Variants in GPC5 observed in about 807,000 individuals in gnomAD.
The protein encoded by GPC5 is glypican 5, also known as glypican-5.
Under a neutral mutation model 53.9 loss-of-function variants are expected in GPC5, and 47 were observed. That is an observed-to-expected ratio of 0.87 (90% CI 0.69 to 1.11). The LOEUF (loss-of-function observed/expected upper bound fraction) is 1.11. Ranked by LOEUF, GPC5 falls within the 50% of genes most tolerant of loss-of-function variation. The probability of loss-of-function intolerance (pLI) is 0.00; values close to 1 mark genes in which losing one functional copy is unlikely to be tolerated. For synonymous variants in GPC5, 286 were observed against 263.3 expected (o/e 1.09, Z -0.84); for missense variants, 748 against 713.1 (o/e 1.05, Z -0.56).
intron 7 of GPC5, among the ~76,000 whole-genome samples, chr13:92,375,198 G>A (rs1318072847): frequency 6.6e-6 from 1 of 152,156 alleles, no homozygotes; most frequent in African/African-American, 2.4e-5. Flanking sequence ...GAGCATCTTT[G>A]AAAGTTTTGT....
intron 7 of GPC5, among the ~76,000 whole-genome samples, chr13:92,767,947 T>G (rs1395375680): frequency 6.6e-6 from 1 of 152,168 alleles, no homozygotes. Context: ...TGTATATCGT[T>G]TTGCCCAAAA....
chr13:92,366,531 C>T (rs1377786256), intron 7 of GPC5, among the ~76,000 whole-genome samples: 4 of 151,816 alleles, frequency 2.6e-5, no homozygotes, highest in Admixed American at 2.6e-4. Flanking sequence ...AAATTCTTTA[C>T]ATCTTGAGTG....
chr13:92,218,645 G>C (rs2042427801), intron 7 of GPC5, among the ~76,000 whole-genome samples: 1 of 152,052 alleles, frequency 6.6e-6, no homozygotes, highest in Non-Finnish European at 1.5e-5. Flanking sequence ...GCCTTCACTA[G>C]AAAAATTTGG....
intron 6 of GPC5, among the ~76,000 whole-genome samples, chr13:92,099,396 C>T (rs964540914): frequency 1.3e-5 from 2 of 152,280 alleles, no homozygotes; most frequent in Non-Finnish European, 2.9e-5. Context: ...TGACATATCA[C>T]GCTCTTTAGT....
chr13:92,231,511 G>A, intron 7 of GPC5, among the ~76,000 whole-genome samples: 1 of 152,090 alleles, frequency 6.6e-6, no homozygotes, highest in Non-Finnish European at 1.5e-5. Context: ...TTCCTCTTGA[G>A]ATGAATTTAA....
intron 7 of GPC5, among the ~76,000 whole-genome samples, chr13:92,230,800 G>A (rs1473098234): frequency 1.3e-5 from 2 of 152,044 alleles, no homozygotes; most frequent in East Asian, 3.9e-4. Flanking sequence ...GCACTGATTG[G>A]CACATAGCAG....
chr13:91,544,863 G>T (rs765121448), intron 2 of GPC5, among the ~76,000 whole-genome samples: 1 of 152,182 alleles, frequency 6.6e-6, no homozygotes, highest in Admixed American at 6.5e-5. Flanking sequence ...GAGTCAAGAC[G>T]TGGGCCTGGA....
intron 7 of GPC5, among the ~76,000 whole-genome samples, chr13:92,751,302 T>TAAACAAAAAAAAAAAAAAAAAAA (rs1566400471): frequency 2.9e-5 from 1 of 34,400 alleles, no homozygotes; most frequent in Admixed American, 3.9e-4. Context: ...CCAGAAACAT[T>TAAACAAAAAAAAAAAAAAAAAAA]TAAAAAAAAA....
At chr13:91,515,112 T>C (rs1336124520) in intron 2 of GPC5, among the ~76,000 whole-genome samples, 1 of 152,234 alleles carries the variant, frequency 6.6e-6, no homozygotes, top group Non-Finnish European at 1.5e-5. Flanking sequence ...AACATTTCTG[T>C]ATTCACAGAA....
At chr13:91,983,706 T>G (rs938916635) in intron 6 of GPC5, among the ~76,000 whole-genome samples, 9 of 152,190 alleles carry the variant, frequency 5.9e-5, no homozygotes, top group African/African-American at 1.9e-4. Context: ...CTTGGTCAAA[T>G]AGCCAAACGG....
intron 7 of GPC5, among the ~76,000 whole-genome samples, chr13:92,426,956 A>G (rs1022157029): frequency 2.0e-5 from 3 of 152,056 alleles, no homozygotes; most frequent in East Asian, 1.9e-4. Context: ...ATCAGTTTCT[A>G]TAATGAGCTT....
intron 2 of GPC5, among the ~76,000 whole-genome samples, chr13:91,552,139 T>A (rs2030676299): frequency 1.3e-5 from 2 of 152,186 alleles, no homozygotes; most frequent in East Asian, 3.9e-4. Flanking sequence ...CTTTTAATGA[T>A]CAATATTCTC....
At chr13:92,231,449 C>CTGACAGTGG (rs1483676152) in intron 7 of GPC5, among the ~76,000 whole-genome samples, 1 of 152,074 alleles carries the variant, frequency 6.6e-6, no homozygotes, top group Non-Finnish European at 1.5e-5. Flanking sequence ...GTTTGGAGGA[C>CTGACAGTGG]ACCTGTCAGT....
chr13:91,655,821 A>T (rs1021748443), intron 2 of GPC5, among the ~76,000 whole-genome samples: 18 of 152,166 alleles, frequency 1.2e-4, no homozygotes, highest in Admixed American at 1.1e-3. Flanking sequence ...CCAAATGTAG[A>T]TACCTGCTAG....
At chr13:91,469,735 T>C (rs780043462) in intron 2 of GPC5, among the ~76,000 whole-genome samples, 3 of 152,248 alleles carry the variant, frequency 2.0e-5, no homozygotes, top group Middle Eastern at 3.4e-3. Context: ...AAAATTCAGA[T>C]TCATCTTTTT....
At chr13:91,660,275 C>G (rs935348048) in intron 2 of GPC5, among the ~76,000 whole-genome samples, 21 of 152,168 alleles carry the variant, frequency 1.4e-4, no homozygotes, top group African/African-American at 4.6e-4. Flanking sequence ...GCTTTCCAAA[C>G]TGGTTGTGGC....
At chr13:91,809,228 G>A (rs2038272102) in intron 5 of GPC5, among the ~76,000 whole-genome samples, 1 of 152,050 alleles carries the variant, frequency 6.6e-6, no homozygotes, top group Non-Finnish European at 1.5e-5. Flanking sequence ...TTGTACCTTT[G>A]ATTTGCTATT....
At chr13:91,634,223 G>T (rs1189419257) in intron 2 of GPC5, among the ~76,000 whole-genome samples, 1 of 151,866 alleles carries the variant, frequency 6.6e-6, no homozygotes, top group East Asian at 1.9e-4. Context: ...GGTTGATTAG[G>T]CATAAGACAC....
intron 7 of GPC5, among the ~76,000 whole-genome samples, chr13:92,189,749 T>C (rs1344011830): frequency 6.6e-6 from 1 of 152,010 alleles, no homozygotes; most frequent in Non-Finnish European, 1.5e-5. Flanking sequence ...AGATGGATAA[T>C]GTAACCAGAG....
Sources: gnomAD v4.1 joint callset for allele counts (sites outside exome capture counted in the v4.1 genomes callset) on GRCh38, gnomAD v4.1.1 for gene constraint, MANE v1.5 for transcripts, NCBI Gene and HGNC (gene_info 2026-07-23, HGNC 2026-07-21) for gene names.